Variants in UBE2G2 observed in about 807,000 individuals in gnomAD.
UBE2G2 encodes ubiquitin conjugating enzyme E2 G2.
In UBE2G2, 10 loss-of-function variants were observed where a neutral mutation model predicts 23.0. That is an observed-to-expected ratio of 0.43 (90% CI 0.27 to 0.74). The LOEUF is 0.74. UBE2G2 is among the 30% of genes least tolerant of loss of function. UBE2G2 has a pLI of 0.19. For missense variants in UBE2G2, 150 were observed against 218.3 expected, an observed-to-expected ratio of 0.69 and a Z score of 1.97; for synonymous variants, 86 against 81.3, an observed-to-expected ratio of 1.06 and a Z score of -0.31.
intron 1 of UBE2G2, among the ~76,000 whole-genome samples, chr21:44,799,814 C>CA (rs2146410757): frequency 1.3e-5 from 2 of 152,356 alleles, no homozygotes; most frequent in East Asian, 1.9e-4. Context: ...TCTTGACTTT[C>CA]AACATTCCTT....
intron 3 of UBE2G2, among the ~76,000 whole-genome samples, chr21:44,783,694 T>C (rs2082973722): frequency 6.6e-6 from 1 of 152,150 alleles, no homozygotes; most frequent in Non-Finnish European, 1.5e-5. Context: ...AGAGCAGGGA[T>C]TGCCTGGGGG....
intron 1 of UBE2G2, among the ~76,000 whole-genome samples, chr21:44,792,410 T>TG (rs2083052575): frequency 6.6e-6 from 1 of 152,222 alleles, no homozygotes; most frequent in East Asian, 1.9e-4. Flanking sequence ...GACTGGATCA[T>TG]GGGGGCAGTT....
intron 1 of UBE2G2, chr21:44,800,175 G>C (rs531355442): frequency 1.2e-4 from 18 of 152,172 alleles, no homozygotes; most frequent in Non-Finnish European, 2.4e-4. Flanking sequence ...ATGCAGGGTT[G>C]CTTGTAAAAA....
rs782627070 is a variant in UBE2G2, at chr21:44,777,348, C to A, written c.195G>T (p.Pro65=). The A allele has an allele frequency of 1.1e-5, 18 of 1,613,852 alleles. No homozygotes were observed. The highest frequency in any genetic ancestry group is 1.4e-5 in the Non-Finnish European group (17 of 1,180,014). Residue 65 remains proline (P), a synonymous_variant, in exon 4 of 6, where the codon CCG becomes CCT. Transcript: ENST00000345496. ...PAILSFPLDY[P]LSPPKMRFTC... is the part of the protein sequence containing the mutation. ...TAAATCTCATCTTTGGGGGACTTAA[C>A]GGGTAATCAAGTGGGAAACTCAGGA...
chr21:44,777,834 T>TA (rs1219566406), intron 3 of UBE2G2, among the ~76,000 whole-genome samples: 7 of 152,016 alleles, frequency 4.6e-5, no homozygotes, highest in Non-Finnish European at 1.0e-4. Context: ...TAAAAATAAA[T>TA]AATAAAAATG....
chr21:44,791,129 G>T (rs191507304), intron 1 of UBE2G2, among the ~76,000 whole-genome samples: 35 of 152,272 alleles, frequency 2.3e-4, no homozygotes, highest in African/African-American at 7.2e-4. Context: ...TGAGAGAGAT[G>T]ATCTGAAATT....
At chr21:44,784,959 C>G (rs1333835246) in intron 3 of UBE2G2, among the ~76,000 whole-genome samples, 1 of 152,184 alleles carries the variant, frequency 6.6e-6, no homozygotes, top group Non-Finnish European at 1.5e-5. Flanking sequence ...TGGGGATGAA[C>G]AGCTGTCTAG....
intron 1 of UBE2G2, among the ~76,000 whole-genome samples, chr21:44,799,645 G>C (rs1461710574): frequency 2.0e-5 from 3 of 152,230 alleles, no homozygotes; most frequent in Admixed American, 6.5e-5. Flanking sequence ...TGGCTGGTTT[G>C]ATCTTCTATC....
In UBE2G2 at chr21:44,801,687, C is replaced by T. The variant is rs374623869; in HGVS notation, c.43+19G>A. ...CAGGAACGCGGGACGCTGCTGACGG[C>T]CCGGGTCCCCAGACTCACGTTTGTA... On this transcript the variant is annotated intron_variant, in intron 1 of 5. Coordinates refer to ENST00000345496, the MANE Select transcript of UBE2G2 (RefSeq NM_003343.6). 1.6e-4 allele frequency: 247 copies of T among 1,510,990 alleles called. 2 individuals carry two copies. Among genetic ancestry groups the T allele is most frequent in the Middle Eastern group, 1.8e-4 (1 of 5,542 alleles). 93.6% of individuals were successfully genotyped at this position (1,510,990 alleles called of 1,614,324 possible). A position where few individuals can be genotyped will look rare whatever the true frequency, so the allele number is the denominator to read the frequency against.
intron 4 of UBE2G2, 68 bp from the exon 5 acceptor site, chr21:44,773,755 G>C (rs781830540): frequency 3.9e-5 from 61 of 1,571,982 alleles, no homozygotes; most frequent in South Asian, 9.1e-5. Context: ...GCTTGGGCAG[G>C]CTCCACAGAT....
intron 1 of UBE2G2, among the ~76,000 whole-genome samples, chr21:44,798,922 A>G (rs1382132078): frequency 6.6e-6 from 1 of 152,192 alleles, no homozygotes; most frequent in Non-Finnish European, 1.5e-5. Context: ...GCCTTATGAA[A>G]TGTATTTCTT....
chr21:44,774,641 G>C, intron 4 of UBE2G2: 1 of 444,964 alleles, frequency 2.2e-6, no homozygotes, highest in Admixed American at 2.5e-5. Flanking sequence ...TGAACGTTCA[G>C]TGGTGAACGC....
At chr21:44,779,217 C>T in intron 3 of UBE2G2, 1 of 451,766 alleles carries the variant, frequency 2.2e-6, no homozygotes, top group Non-Finnish European at 4.4e-6. Context: ...CAGGGCTGAT[C>T]TGCGGGCAAC....
At chr21:44,773,748 TG>T in intron 4 of UBE2G2, 61 bp from the exon 5 acceptor site, 3 of 1,581,886 alleles carry the variant, frequency 1.9e-6, no homozygotes, top group Non-Finnish European at 2.6e-6. Context: ...TCGCCGCGCT[TG>T]GGCAGGCTCC....
At chr21:44,795,042 C>G (rs1386185622) in intron 1 of UBE2G2, among the ~76,000 whole-genome samples, 1 of 151,710 alleles carries the variant, frequency 6.6e-6, no homozygotes, top group African/African-American at 2.4e-5. Context: ...GCGAGGCAAA[C>G]TCCTGAGGTC....
At chr21:44,779,877 C>T (rs782451400) in intron 3 of UBE2G2, among the ~76,000 whole-genome samples, 4 of 152,152 alleles carry the variant, frequency 2.6e-5, no homozygotes, top group South Asian at 2.1e-4. Flanking sequence ...GTTCAAACTG[C>T]GAAATCAGAA....
intron 3 of UBE2G2, among the ~76,000 whole-genome samples, chr21:44,777,771 G>A (rs781783100): frequency 3.9e-5 from 6 of 152,090 alleles, no homozygotes; most frequent in African/African-American, 1.4e-4. Flanking sequence ...TCTCGCCACC[G>A]CACTCAAGCC....
At position 44,787,871 on chromosome 21, in the gene UBE2G2, C is replaced by G. The variant is rs782301413; in HGVS notation, c.125+49G>C. The G allele has an allele frequency of 5.0e-6, 8 of 1,599,582 alleles. No homozygotes were observed. The Admixed American group carries it at 5.2e-5, about 10-fold the overall frequency. On this transcript the variant is annotated intron_variant, in intron 3 of 5. Transcript: ENST00000345496. ...CACACTGCTGATGTGATTCTTACATCTGACTTCCAGCAAAGCCCTAAAAAC... is the reference window on the plus strand; with the variant it reads ...CACACTGCTGATGTGATTCTTACATGTGACTTCCAGCAAAGCCCTAAAAAC...
chr21:44,798,776 G>A (rs138539904), intron 1 of UBE2G2, among the ~76,000 whole-genome samples: 2 of 152,232 alleles, frequency 1.3e-5, no homozygotes, highest in Non-Finnish European at 2.9e-5. Flanking sequence ...TTTTTCAAAC[G>A]CCTGTTGTTG....
Sources: gnomAD v4.1 joint callset for allele counts (sites outside exome capture counted in the v4.1 genomes callset) on GRCh38, gnomAD v4.1.1 for gene constraint, MANE v1.5 for transcripts, NCBI Gene and HGNC (gene_info 2026-07-23, HGNC 2026-07-21) for gene names.